PITPNM3: variants seen among roughly 807,000 people sequenced by gnomAD.
PITPNM3 encodes membrane-associated phosphatidylinositol transfer protein 3.
Under a neutral mutation model 102.0 loss-of-function variants are expected in PITPNM3, and 26 were observed. The ratio of observed to expected loss-of-function variants is 0.25; its 90% confidence interval spans 0.19 to 0.35. The LOEUF is 0.35. PITPNM3 is among the 10% of genes least tolerant of loss of function. The pLI, the probability that PITPNM3 is intolerant of heterozygous loss-of-function variation, is 1.00. For missense variants in PITPNM3, 1,083 were observed against 1,346.1 expected (o/e 0.80, Z 3.06); for synonymous variants, 578 against 558.6 (o/e 1.03, Z -0.49).
At chr17:6,528,078 C>A (rs560734626) in intron 2 of PITPNM3, among the ~76,000 whole-genome samples, 1 of 152,200 alleles carries the variant, frequency 6.6e-6, no homozygotes, top group South Asian at 2.1e-4. Flanking sequence ...GCTTCTCTCA[C>A]GCTTTACATC....
Position 6,483,610 on chromosome 17 carries a change from G to T in PITPNM3, c.494C>A (p.Thr165Lys). 1 of 1,614,148 alleles carries T rather than the reference G, an allele frequency of 6.2e-7. No individual in the cohort carries two copies. Among genetic ancestry groups the T allele is most frequent in the South Asian group, 1.1e-5 (1 of 91,076 alleles). ...CAGGGCAGCAGGGAAATGGGCTCGTGTGACCTTCTCCAGCACGGAGCTGAA... is the reference window on the plus strand; with the variant it reads ...CAGGGCAGCAGGGAAATGGGCTCGTTTGACCTTCTCCAGCACGGAGCTGAA... Reference protein sequence around the residue: ...HTFSSVLEKVTRAHFPAALGH... With the variant: ...HTFSSVLEKVKRAHFPAALGH... The change falls in exon 6 of 20, where the codon ACA becomes AAA. Residue 165 changes from threonine (T) to lysine (K), a missense_variant. Transcript: ENST00000262483.
Position 6,455,611 on chromosome 17 carries a change from G to C in PITPNM3, c.2652C>G (p.Ala884=), listed in dbSNP as rs772469663. 2.5e-6 allele frequency: 4 copies of C among 1,587,220 alleles called. No individual in the cohort carries two copies. The highest frequency in any genetic ancestry group is 2.2e-5 in the South Asian group (2 of 90,376). The change falls in exon 20 of 20, where the codon GCC becomes GCG. Residue 884 remains alanine, a synonymous_variant. Coordinates refer to ENST00000262483, the MANE Select transcript of PITPNM3 (RefSeq NM_031220.4). ...GTGAGCGGTGGCTGGCCTCCAGCGC[G>C]GCCAGGTGTGCGGCGTAGCCCTCGC... ...FLSEGYAAHL[A]ALEASHRSRP... is the part of the protein sequence containing the mutation.
chr17:6,529,976 T>C (rs184816887), intron 2 of PITPNM3, among the ~76,000 whole-genome samples: 41 of 152,318 alleles, frequency 2.7e-4, no homozygotes, highest in African/African-American at 9.1e-4. Flanking sequence ...GTGGCACACC[T>C]GTGCTTTGCT....
At chr17:6,487,102 A>G (rs1906140446) in intron 4 of PITPNM3, among the ~76,000 whole-genome samples, 1 of 152,130 alleles carries the variant, frequency 6.6e-6, no homozygotes. Flanking sequence ...GCTCTGGGGC[A>G]GGCTGTGAGT....
At position 6,469,605 on chromosome 17, in the gene PITPNM3, G is replaced by C. The variant is rs1904959591; in HGVS notation, c.1773+655C>G. 6.6e-6 allele frequency among the ~76,000 whole-genome samples: 1 copy of C among 152,098 alleles called. No individual in the cohort carries two copies. Among genetic ancestry groups the C allele is most frequent in the African/African-American group, 2.4e-5 (1 of 41,428 alleles). Reference sequence around the variant, plus strand: ...GTAATGCAAATCTTGCCACTCTGTGGCACCTCCACCCCCTGTCCTACTCCA... The same window carrying C: ...GTAATGCAAATCTTGCCACTCTGTGCCACCTCCACCCCCTGTCCTACTCCA... On this transcript the variant is annotated intron_variant, in intron 13 of 19. Transcript: ENST00000262483. This position sits in a 1 kb window ranked among gnomAD's most constrained non-coding sequence, Gnocchi z 4.0.
intron 18 of PITPNM3, among the ~76,000 whole-genome samples, chr17:6,460,144 G>C (rs1904374184): frequency 6.6e-6 from 1 of 152,174 alleles, no homozygotes; most frequent in African/African-American, 2.4e-5. Flanking sequence ...TTGGGCCCCT[G>C]ATGACCTCTG....
In PITPNM3 at chr17:6,455,449, G is replaced by A. The variant is rs1914045235; in HGVS notation, c.2814C>T (p.Asn938=). The A allele has an allele frequency of 6.2e-7, 1 of 1,604,530 alleles. No homozygotes were observed. Among genetic ancestry groups the A allele is most frequent in the South Asian group, 1.1e-5 (1 of 91,026 alleles). Reference sequence around the variant, plus strand: ...GGCTCTGGGCCCGCTCGGGCTTGGGGTTGGCGGCGGGCGGGTCGGGCTGCT... The same window carrying A: ...GGCTCTGGGCCCGCTCGGGCTTGGGATTGGCGGCGGGCGGGTCGGGCTGCT... ...SVQQPDPPAA[N]PKPERAQSQP... is the part of the protein sequence containing the mutation. Residue 938 remains asparagine (N), a synonymous_variant, in exon 20 of 20, where the codon AAC becomes AAT. Transcript: ENST00000262483.
At chr17:6,474,725 G>C (rs1416085559) in intron 9 of PITPNM3, 121 bp from the exon 10 acceptor site, 18 of 1,253,792 alleles carry the variant, frequency 1.4e-5, no homozygotes, top group Non-Finnish European at 2.0e-5. Context: ...CATCTCTGGG[G>C]CGGGGCTGAG....
chr17:6,505,058 C>T (rs1372601126), intron 3 of PITPNM3, among the ~76,000 whole-genome samples: 1 of 151,780 alleles, frequency 6.6e-6, no homozygotes, highest in African/African-American at 2.4e-5. Flanking sequence ...TCTATAATCC[C>T]GAAGCTACTC....
intron 2 of PITPNM3, among the ~76,000 whole-genome samples, chr17:6,533,558 G>A (rs1207252270): frequency 2.0e-5 from 3 of 151,392 alleles, no homozygotes; most frequent in Non-Finnish European, 2.9e-5. Context: ...GGGTTCAAGC[G>A]ATTCTCCTGC....
intron 6 of PITPNM3, chr17:6,480,745 T>C (rs1228912135): frequency 6.6e-6 from 1 of 152,288 alleles, no homozygotes; most frequent in Admixed American, 6.5e-5. Flanking sequence ...TTGGGCCCTG[T>C]AGGCGTTTGG....
At chr17:6,536,177 C>T (rs1369370657) in intron 2 of PITPNM3, among the ~76,000 whole-genome samples, 1 of 151,846 alleles carries the variant, frequency 6.6e-6, no homozygotes, top group Non-Finnish European at 1.5e-5. Flanking sequence ...CAGAACAAGC[C>T]GTGAGATGGG....
chr17:6,532,978 T>C (rs182566924), intron 2 of PITPNM3, among the ~76,000 whole-genome samples: 7 of 152,194 alleles, frequency 4.6e-5, no homozygotes, highest in East Asian at 1.9e-4. Flanking sequence ...ATTATTATTA[T>C]TGAGACGGCG....
chr17:6,483,233 C>T (rs192994414), intron 6 of PITPNM3, among the ~76,000 whole-genome samples: 19 of 152,172 alleles, frequency 1.2e-4, no homozygotes, highest in East Asian at 5.8e-4. Flanking sequence ...CGTGAGCCAC[C>T]GCACCCGGCC....
chr17:6,515,165 G>A (rs1197017490), intron 3 of PITPNM3, among the ~76,000 whole-genome samples: 2 of 152,062 alleles, frequency 1.3e-5, no homozygotes, highest in Non-Finnish European at 2.9e-5. Context: ...GGAGACCGAG[G>A]TGGGCGGATC....
At chr17:6,464,793 G>T in intron 14 of PITPNM3, 22 bp from the exon 15 acceptor site, 1 of 1,612,638 alleles carries the variant, frequency 6.2e-7, no homozygotes, top group Non-Finnish European at 8.5e-7. Context: ...GAAAGAAGCT[G>T]GCTCAGCCCT....
chr17:6,524,003 ACG>A (rs1908684076), intron 3 of PITPNM3, among the ~76,000 whole-genome samples: 1 of 152,214 alleles, frequency 6.6e-6, no homozygotes, highest in African/African-American at 2.4e-5. Context: ...TTTGGGCAAG[ACG>A]TGGCTCCTCT....
intron 2 of PITPNM3, among the ~76,000 whole-genome samples, chr17:6,535,193 C>T (rs1306351784): frequency 3.4e-5 from 5 of 144,970 alleles, no homozygotes; most frequent in Admixed American, 6.7e-5. Flanking sequence ...AGAGACCACA[C>T]CCAGGGTCAG....
intron 10 of PITPNM3, among the ~76,000 whole-genome samples, chr17:6,474,206 G>T (rs1292349184): frequency 6.6e-6 from 1 of 151,980 alleles, no homozygotes; most frequent in Non-Finnish European, 1.5e-5. Context: ...CACTTGACAT[G>T]GAGAGTGAAA....
Sources: gnomAD v4.1 joint callset for allele counts (sites outside exome capture counted in the v4.1 genomes callset) on GRCh38, gnomAD v4.1.1 for gene constraint, Gnocchi (gnomAD v3.1) non-coding constraint, MANE v1.5 for transcripts, NCBI Gene and HGNC (gene_info 2026-07-23, HGNC 2026-07-21) for gene names.